MKI67: variants seen among roughly 807,000 people sequenced by gnomAD.
MKI67 encodes the protein marker of proliferation Ki-67.
MKI67 carries 152 observed loss-of-function variants against 233.5 expected under a neutral mutation model. The ratio of observed to expected loss-of-function variants is 0.65; its 90% CI spans 0.57 to 0.74. The LOEUF (loss-of-function observed/expected upper bound fraction) is 0.74, where lower values mean the gene tolerates loss of function less well. Ranked by LOEUF, MKI67 falls within the 30% of genes least tolerant of loss-of-function variation. MKI67 has a pLI of 0.00. For missense variants in MKI67, 3,940 were observed against 3,885.2 expected (o/e 1.01, Z -0.37); for synonymous variants, 1,465 against 1,418.5 (o/e 1.03, Z -0.74).
In MKI67 at chr10:128,108,433, G is replaced by A. The variant is rs767724654; in HGVS notation, c.3407C>T (p.Ser1136Leu). 1.9e-6 allele frequency: 3 copies of A among 1,614,140 alleles called. No individual in the cohort carries two copies. Among genetic ancestry groups the A allele is most frequent in the Admixed American group, 3.3e-5 (2 of 60,026 alleles). Residue 1136 changes from serine (S) to leucine (L), a missense_variant, in exon 13 of 15, where the codon TCA becomes TTA. By Grantham distance (145) the Ser-to-Leu change is moderately radical (BLOSUM62 -2). Coordinates refer to ENST00000368654, the MANE Select transcript of MKI67 (RefSeq NM_002417.5). ...KIACKSPPPE[S>L]VDTPTSTKQW... ...CTTTGTGCTTGTTGGAGTGTCCACT[G>A]ATTCTGGTGGTGGAGATTTGCAGGC...
In MKI67 at chr10:128,102,934, T is replaced by G; in HGVS notation, c.8906A>C (p.Glu2969Ala). The change falls in exon 13 of 15, where the codon GAA becomes GCA. Residue 2969 changes from glutamate to alanine, a missense_variant. Physicochemically the swap from Glu to Ala is moderately radical, Grantham distance 107. Coordinates refer to ENST00000368654, the MANE Select transcript of MKI67 (RefSeq NM_002417.5). ...GGTGCTTACCACGTCTCCCACGGGTTCTACTTTAGGGGCCCGAAGAACTCT... is the reference window on the plus strand; with the variant it reads ...GGTGCTTACCACGTCTCCCACGGGTGCTACTTTAGGGGCCCGAAGAACTCT... ...SRRVLRAPKV[E>A]PVGDVVSTRD... 6.2e-7 allele frequency: 1 copy of G among 1,614,244 alleles called. No homozygotes were observed. The highest frequency in any genetic ancestry group is 1.6e-4 in the Middle Eastern group (1 of 6,062).
At position 128,115,415 on chromosome 10, in the gene MKI67, C is replaced by T. The variant is rs762474638; in HGVS notation, c.993G>A (p.Lys331=). The change falls in exon 7 of 15, where the codon AAG becomes AAA. Residue 331 remains lysine (K), a synonymous_variant. Coordinates refer to ENST00000368654, the MANE Select transcript of MKI67 (RefSeq NM_002417.5). Reference sequence around the variant, plus strand: ...AGAGAGGAAAGCTGGCGCCCACAGCCTTGCTGGGAGTCTGAACAGACTCCA... The same window carrying T: ...AGAGAGGAAAGCTGGCGCCCACAGCTTTGCTGGGAGTCTGAACAGACTCCA... ...RDVESVQTPS[K]AVGASFPLYE... The T allele has an allele frequency of 1.9e-6, 3 of 1,614,128 alleles. No individual in the cohort carries two copies. The highest frequency in any genetic ancestry group is 2.5e-6 in the Non-Finnish European group (3 of 1,180,014).
chr10:128,109,082 C>A lies in MKI67; in HGVS notation c.2758G>T (p.Gly920Ter). ...GGTCTTTCTATTTCCTTCATCTCTC[C>A]TTCTCTCCTTTGTTGTAGTAGTGTT... ...KATLLQQRRE[G>*]EMKEIERPFE... Residue 920 changes from glycine to a stop codon, truncating the protein, a stop_gained, in exon 13 of 15, where the codon GGA (glycine) becomes TGA (stop). Transcript: ENST00000368654. LOFTEE classifies it high-confidence loss of function. 6.2e-7 allele frequency: 1 copy of A among 1,614,174 alleles called. No homozygotes were observed. Among genetic ancestry groups the A allele is most frequent in the African/African-American group, 1.3e-5 (1 of 75,030 alleles).
intron 7 of MKI67, among the ~76,000 whole-genome samples, chr10:128,114,597 T>A (rs1262760819): frequency 6.6e-6 from 1 of 152,222 alleles, no homozygotes; most frequent in Non-Finnish European, 1.5e-5. Flanking sequence ...TTAAACTCCA[T>A]GTGAAAAGCA....
chr10:128,123,351 A>G (rs1486726321), intron 2 of MKI67, among the ~76,000 whole-genome samples, 182 bp from the exon 3 acceptor site: 1 of 152,258 alleles, frequency 6.6e-6, no homozygotes, highest in African/African-American at 2.4e-5. Flanking sequence ...TGGAAGTATT[A>G]AACATGTAAC....
At chr10:128,116,651 A>G in intron 5 of MKI67, 115 bp from the exon 6 acceptor site, 1 of 1,021,804 alleles carries the variant, frequency 9.8e-7, no homozygotes, top group Non-Finnish European at 1.5e-6. Flanking sequence ...TCATGCCTGT[A>G]ATCCCAGCAC....
In MKI67 at chr10:128,108,235, C is replaced by A. The variant is rs1445612776; in HGVS notation, c.3605G>T (p.Gly1202Val). The change falls in exon 13 of 15, where the codon GGA becomes GTA. Residue 1202 changes from glycine (G) to valine (V), a missense_variant. Coordinates refer to ENST00000368654, the MANE Select transcript of MKI67 (RefSeq NM_002417.5). The part of the protein sequence containing the change: ...GTPVQKLDLA[G>V]TLPGSKRQLQ... ...CTGTCTTTTGCTGCCAGGTAAAGTT[C>A]CTGCCAGGTCCAGTTTCTGCACTGG... 9 of 1,606,678 alleles carry A rather than the reference C, an allele frequency of 5.6e-6. No homozygotes were observed. The highest frequency in any genetic ancestry group is 7.6e-6 in the Non-Finnish European group (9 of 1,177,838).
chr10:128,122,200 C>A (rs1261987062), intron 4 of MKI67, among the ~76,000 whole-genome samples: 1 of 152,080 alleles, frequency 6.6e-6, no homozygotes, highest in Non-Finnish European at 1.5e-5. Flanking sequence ...GGCTGGAAGT[C>A]CAAGAGCAAG....
At position 128,125,447 on chromosome 10, in the gene MKI67, A is replaced by G. The variant is rs1195936222; in HGVS notation, c.92+129T>C. 10 of 745,974 alleles carry G rather than the reference A, an allele frequency of 1.3e-5. No homozygotes were observed. Among genetic ancestry groups the G allele is most frequent in the Non-Finnish European group, 2.4e-5 (10 of 421,782 alleles). The allele number at this position is 745,974 out of a possible 1,614,324, so 46.2% of individuals were successfully genotyped here. On this transcript the variant is annotated intron_variant, in intron 2 of 14. Coordinates refer to ENST00000368654, the MANE Select transcript of MKI67 (RefSeq NM_002417.5). The surrounding 1 kb of genome is among the most constrained non-coding windows in gnomAD (Gnocchi z 5.3). ...ACACAACTATGTCAACTTAGTAACG[A>G]ATGGGAGAAGCACCAAGGAAAAGTG... is the stretch of plus-strand genomic sequence containing the variant.
At chr10:128,100,648 T>C (rs529047358) in intron 14 of MKI67, among the ~76,000 whole-genome samples, 90 of 152,236 alleles carry the variant, frequency 5.9e-4, no homozygotes, top group Non-Finnish European at 1.2e-3. Flanking sequence ...ATCATTCTTA[T>C]GGATTTGTCC....
intron 14 of MKI67, among the ~76,000 whole-genome samples, chr10:128,100,707 C>T (rs1448603046): frequency 1.3e-5 from 2 of 152,158 alleles, no homozygotes; most frequent in African/African-American, 4.8e-5. Flanking sequence ...TTCAGTAGCA[C>T]TTAAAGTTCA....
chr10:128,124,220 C>T (rs1487478158), intron 2 of MKI67, among the ~76,000 whole-genome samples: 1 of 152,166 alleles, frequency 6.6e-6, no homozygotes, highest in Non-Finnish European at 1.5e-5. Flanking sequence ...TCCTTAACCC[C>T]AATAAAATAA....
rs1030756832 is a variant in MKI67 at position 128,115,081 on chromosome 10, G to C, written c.1327C>G (p.Pro443Ala). Residue 443 changes from proline (P) to alanine (A), a missense_variant, in exon 7 of 15, where the codon CCA becomes GCA. Coordinates refer to ENST00000368654, the MANE Select transcript of MKI67 (RefSeq NM_002417.5). The part of the protein sequence containing the change: ...LPTETEIHNE[P>A]FLTLWLTQVE... The stretch of plus-strand genomic sequence containing the variant: ...TGAGTGAGCCACAGAGTTAAAAATG[G>C]CTCATTGTGAATTTCAGTTTCCGTA... 1 of 1,613,798 alleles carries C rather than the reference G, an allele frequency of 6.2e-7. No individual in the cohort carries two copies. The highest frequency in any genetic ancestry group is 8.5e-7 in the Non-Finnish European group (1 of 1,179,828).
At chr10:128,117,760 A>G (rs964843790) in intron 5 of MKI67, among the ~76,000 whole-genome samples, 1 of 152,250 alleles carries the variant, frequency 6.6e-6, no homozygotes, top group South Asian at 2.1e-4. Context: ...ATGAACCACT[A>G]ATAAAATTAT....
At chr10:128,116,382 G>T in intron 6 of MKI67, 109 bp downstream of exon 6, 1 of 981,762 alleles carries the variant, frequency 1.0e-6, no homozygotes, top group Non-Finnish European at 1.6e-6. Flanking sequence ...CTCCATTTCT[G>T]ACAGGCTAGA....
In MKI67 at chr10:128,103,359, T is replaced by C. The variant is rs1461433878; in HGVS notation, c.8481A>G (p.Ser2827=). 2.5e-6 allele frequency: 4 copies of C among 1,613,948 alleles called. No individual in the cohort carries two copies. Among genetic ancestry groups the C allele is most frequent in the Non-Finnish European group, 2.5e-6 (3 of 1,180,004 alleles). The change falls in exon 13 of 15, where the codon TCA becomes TCG. Residue 2827 remains serine, a synonymous_variant. Coordinates refer to ENST00000368654, the MANE Select transcript of MKI67 (RefSeq NM_002417.5). ...TTGCGGTGTCTTCTAGTTCTGGTGATGATTTGCAGGGTATTTTAGTGGTTT... is the reference window on the plus strand; with the variant it reads ...TTGCGGTGTCTTCTAGTTCTGGTGACGATTTGCAGGGTATTTTAGTGGTTT... ...DDKTTKIPCK[S]SPELEDTATS... is the part of the protein sequence containing the mutation.
At position 128,103,409 on chromosome 10, in the gene MKI67, T is replaced by C. The variant is rs1852391108; in HGVS notation, c.8431A>G (p.Thr2811Ala). 6.2e-7 allele frequency: 1 copy of C among 1,613,932 alleles called. No individual in the cohort carries two copies. Residue 2811 changes from threonine (T) to alanine (A), a missense_variant, in exon 13 of 15, where the codon ACT (threonine) becomes GCT (alanine). Thr to Ala is a moderately conservative substitution (Grantham distance 58). Coordinates refer to ENST00000368654, the MANE Select transcript of MKI67 (RefSeq NM_002417.5). ...TTGTCATCAGTCATTGATTCTTCAGTGTGACCTGCTGCTGGGTCTTTGAAG... is the reference window on the plus strand; with the variant it reads ...TTGTCATCAGTCATTGATTCTTCAGCGTGACCTGCTGCTGGGTCTTTGAAG... Reference protein sequence around the residue: ...AGFKDPAAGHTEESMTDDKTT... With the variant: ...AGFKDPAAGHAEESMTDDKTT...
In MKI67 at chr10:128,103,226, C is replaced by T. The variant is rs750475353; in HGVS notation, c.8614G>A (p.Asp2872Asn). ...TQTSGETTHT[D>N]KEPVGEGKGT... ...TTGCCCTCACCTACCGGCTCTTTGT[C>T]GGTGTGCGTGGTCTCCCCTGAGGTT... The change falls in exon 13 of 15, where the codon GAC becomes AAC. Residue 2872 changes from aspartate to asparagine, a missense_variant. Asp to Asn is a conservative substitution (Grantham distance 23). Coordinates refer to ENST00000368654, the MANE Select transcript of MKI67 (RefSeq NM_002417.5). 1.9e-6 allele frequency: 3 copies of T among 1,614,040 alleles called. No individual in the cohort carries two copies. Among genetic ancestry groups the T allele is most frequent in the Middle Eastern group, 1.6e-4 (1 of 6,062 alleles).
At position 128,099,361 on chromosome 10, in the gene MKI67, C is replaced by T. The variant is rs536094299; in HGVS notation, c.9706-106G>A. Reference sequence around the variant, plus strand: ...AAGGCTTACTAGGTATTATGCAGGTCCTTAGTTGCAGAAAATTAATTTTGA... The same window carrying T: ...AAGGCTTACTAGGTATTATGCAGGTTCTTAGTTGCAGAAAATTAATTTTGA... On this transcript the variant is annotated intron_variant, in intron 14 of 14. Coordinates refer to ENST00000368654, the MANE Select transcript of MKI67 (RefSeq NM_002417.5). 4.9e-6 allele frequency: 3 copies of T among 617,122 alleles called. No individual in the cohort carries two copies. The South Asian group carries it at 9.3e-5, about 19-fold the overall frequency. 38.2% of individuals were successfully genotyped at this position (617,122 alleles called of 1,614,324 possible). A position where few individuals can be genotyped will look rare whatever the true frequency, so the allele number is the denominator to read the frequency against.
Sources: gnomAD v4.1 joint callset for allele counts (sites outside exome capture counted in the v4.1 genomes callset) on GRCh38, gnomAD v4.1.1 for gene constraint, Gnocchi (gnomAD v3.1) non-coding constraint, MANE v1.5 for transcripts, NCBI Gene and HGNC (gene_info 2026-07-23, HGNC 2026-07-21) for gene names.